Variants in CHRM3 observed in about 807,000 individuals in gnomAD.
The protein encoded by CHRM3 is cholinergic receptor muscarinic 3.
In CHRM3, 11 loss-of-function variants were observed where a neutral mutation model predicts 41.8. The ratio of observed to expected loss-of-function variants is 0.26; its 90% confidence interval spans 0.17 to 0.44. The LOEUF is 0.44. CHRM3 is among the 20% of genes least tolerant of loss of function. The probability of loss-of-function intolerance (pLI) is 1.00; values close to 1 mark genes in which losing one functional copy is unlikely to be tolerated. For missense variants in CHRM3, 571 were observed against 745.4 expected (o/e 0.77, Z 2.72); for synonymous variants, 297 against 301.4 (o/e 0.99, Z 0.15).
chr1:239,864,837 A>G (rs574964752), intron 6 of CHRM3, among the ~76,000 whole-genome samples: 1 of 152,296 alleles, frequency 6.6e-6, no homozygotes, highest in South Asian at 2.1e-4. Context: ...CTATTGAGTT[A>G]GGAGAAGACT....
intron 5 of CHRM3, among the ~76,000 whole-genome samples, chr1:239,691,176 C>T (rs2147986750): frequency 6.6e-6 from 1 of 152,136 alleles, no homozygotes; most frequent in South Asian, 2.1e-4. Context: ...AGAGTGAGAG[C>T]TGGGCAGTGA....
chr1:239,729,631 G>A (rs1472566909), intron 5 of CHRM3, among the ~76,000 whole-genome samples: 1 of 151,892 alleles, frequency 6.6e-6, no homozygotes, highest in Non-Finnish European at 1.5e-5. Flanking sequence ...GAGTTTTCTG[G>A]TGAGATTGAT....
In CHRM3 at chr1:239,500,605, T is replaced by A. The variant is rs190243853; in HGVS notation, c.-422+7798T>A. ...ATGTTGTGCACATGTACCCTAAAACTTAAAGTATAATTAAAAAAAAATAAA... is the reference window on the plus strand; with the variant it reads ...ATGTTGTGCACATGTACCCTAAAACATAAAGTATAATTAAAAAAAAATAAA... On this transcript the variant is annotated intron_variant, in intron 2 of 6. Coordinates refer to ENST00000676153, the MANE Select transcript of CHRM3 (RefSeq NM_001375978.1). 3.4e-3 allele frequency among the ~76,000 whole-genome samples: 504 copies of A among 150,206 alleles called. 1 individual carries two copies. The highest frequency in any genetic ancestry group is 0.012 in the African/African-American group (482 of 40,736).
intron 3 of CHRM3, among the ~76,000 whole-genome samples, chr1:239,565,171 A>G (rs955552949): frequency 6.6e-6 from 1 of 152,182 alleles, no homozygotes; most frequent in African/African-American, 2.4e-5. Context: ...TAATCTCCCC[A>G]CCTCAAGATC....
chr1:239,647,683 C>G (rs1157205326), intron 4 of CHRM3, among the ~76,000 whole-genome samples: 1 of 152,142 alleles, frequency 6.6e-6, no homozygotes, highest in Non-Finnish European at 1.5e-5. Flanking sequence ...GGGTTTTCAT[C>G]CTATACTTCC....
chr1:239,447,368 G>C (rs952449057), intron 1 of CHRM3, among the ~76,000 whole-genome samples: 2 of 152,094 alleles, frequency 1.3e-5, no homozygotes, highest in Non-Finnish European at 2.9e-5. Flanking sequence ...TAGTTTCTAT[G>C]TATATTTTGG....
chr1:239,506,788 G>A (rs1446584556), intron 2 of CHRM3, among the ~76,000 whole-genome samples: 2 of 152,168 alleles, frequency 1.3e-5, no homozygotes, highest in Admixed American at 6.5e-5. Flanking sequence ...CCAGGAGGGG[G>A]CTGTACCTTG....
chr1:239,643,235 A>T (rs528939063), intron 4 of CHRM3, among the ~76,000 whole-genome samples: 47 of 152,268 alleles, frequency 3.1e-4, no homozygotes, highest in African/African-American at 1.1e-3. Flanking sequence ...CCACTGGAGG[A>T]GGCAGTCTGC....
At chr1:239,791,408 A>C (rs1044177987) in intron 5 of CHRM3, among the ~76,000 whole-genome samples, 1 of 152,134 alleles carries the variant, frequency 6.6e-6, no homozygotes, top group Non-Finnish European at 1.5e-5. Flanking sequence ...CCCAGCCAGT[A>C]AACATTTCTT....
chr1:239,537,319 T>C (rs1346226080), intron 2 of CHRM3, among the ~76,000 whole-genome samples: 1 of 152,158 alleles, frequency 6.6e-6, no homozygotes, highest in African/African-American at 2.4e-5. Context: ...AGGATAGCAC[T>C]GGCATCTGCT....
intron 1 of CHRM3, among the ~76,000 whole-genome samples, chr1:239,445,835 C>G (rs1312733360): frequency 6.6e-6 from 1 of 152,044 alleles, no homozygotes; most frequent in Admixed American, 6.6e-5. Context: ...ATAGAATTTG[C>G]CATGAAGTAT....
chr1:239,714,254 G>A (rs182557695), intron 5 of CHRM3: 1 of 152,258 alleles, frequency 6.6e-6, no homozygotes, highest in East Asian at 1.9e-4. Context: ...GGCCCTCATG[G>A]AGCTCGTCAT....
chr1:239,824,605 T>G (rs1672310924), intron 5 of CHRM3, among the ~76,000 whole-genome samples: 1 of 152,228 alleles, frequency 6.6e-6, no homozygotes, highest in African/African-American at 2.4e-5. Context: ...TTTGTGTTCC[T>G]TTGTCCTTAG....
chr1:239,759,111 T>A (rs1420162009), intron 5 of CHRM3, among the ~76,000 whole-genome samples: 1 of 151,190 alleles, frequency 6.6e-6, no homozygotes, highest in East Asian at 1.9e-4. Flanking sequence ...AAAGCAGGCA[T>A]GAAAACCAAT....
chr1:239,444,847 G>A (rs528071628), intron 1 of CHRM3, among the ~76,000 whole-genome samples: 10 of 152,320 alleles, frequency 6.6e-5, no homozygotes, highest in East Asian at 3.9e-4. Context: ...AAAAGGAAGA[G>A]TGTCTCCCTA....
intron 6 of CHRM3, among the ~76,000 whole-genome samples, chr1:239,860,466 A>G (rs1228852764): frequency 6.6e-6 from 1 of 152,184 alleles, no homozygotes; most frequent in Non-Finnish European, 1.5e-5. Flanking sequence ...CAGGCTGAGT[A>G]TCTTTTCCCT....
intron 4 of CHRM3, among the ~76,000 whole-genome samples, chr1:239,638,017 G>A (rs1273375553): frequency 6.7e-6 from 1 of 148,680 alleles, no homozygotes; most frequent in Non-Finnish European, 1.5e-5. Context: ...GCAGTGTTTG[G>A]TTTTTTGTTC....
intron 4 of CHRM3, among the ~76,000 whole-genome samples, chr1:239,669,261 CT>C (rs2149049567): frequency 6.6e-6 from 1 of 152,262 alleles, no homozygotes; most frequent in African/African-American, 2.4e-5. Context: ...CCCTTTTAAA[CT>C]TTTTATACGC....
At chr1:239,636,979 T>C (rs1465363971) in intron 4 of CHRM3, among the ~76,000 whole-genome samples, 2 of 152,206 alleles carry the variant, frequency 1.3e-5, no homozygotes, top group Non-Finnish European at 2.9e-5. Flanking sequence ...GGAGTATCTA[T>C]ATGAAATTTT....
Sources: allele counts gnomAD v4.1 joint callset (sites outside exome capture counted in the v4.1 genomes callset), GRCh38; gene constraint gnomAD v4.1.1; transcripts MANE v1.5; gene names NCBI Gene and HGNC (gene_info 2026-07-23, HGNC 2026-07-21).